Variants in MSRA observed in about 807,000 individuals in gnomAD.
MSRA encodes the protein mitochondrial peptide methionine sulfoxide reductase.
Under a neutral mutation model 31.3 loss-of-function variants are expected in MSRA, and 54 were observed. That is an observed-to-expected ratio of 1.73 (90% CI 1.39 to 2.17). The LOEUF (loss-of-function observed/expected upper bound fraction) is 2.17. Among genes scored for constraint, MSRA ranks in the 30% most tolerant of loss-of-function variants. The probability of loss-of-function intolerance (pLI) is 0.00; values close to 1 mark genes in which losing one functional copy is unlikely to be tolerated. For missense variants in MSRA, 507 were observed against 300.9 expected (o/e 1.69, Z -5.07); for synonymous variants, 169 against 116.5 (o/e 1.45, Z -2.90).
intron 1 of MSRA, among the ~76,000 whole-genome samples, chr8:10,074,097 T>G (rs1799363199): frequency 1.3e-5 from 1 of 78,864 alleles, no homozygotes; most frequent in African/African-American, 4.5e-5. Context: ...TTTTTTTTTT[T>G]TATTAAATGG....
At chr8:10,180,589 T>G (rs1284777925) in intron 1 of MSRA, among the ~76,000 whole-genome samples, 1 of 152,142 alleles carries the variant, frequency 6.6e-6, no homozygotes, top group African/African-American at 2.4e-5. Context: ...TCAGGTAAGG[T>G]TGAAAGGGGT....
intron 5 of MSRA, among the ~76,000 whole-genome samples, chr8:10,398,395 G>A (rs969722776): frequency 6.6e-6 from 1 of 152,236 alleles, no homozygotes; most frequent in Non-Finnish European, 1.5e-5. Flanking sequence ...CTTGCCGAGA[G>A]AGACCTTCTC....
At chr8:10,079,607 G>A (rs760711135) in intron 1 of MSRA, among the ~76,000 whole-genome samples, 29 of 152,106 alleles carry the variant, frequency 1.9e-4, no homozygotes, top group Non-Finnish European at 2.9e-5. Context: ...TGAAGCTTTG[G>A]ATCTCTTTCC....
intron 2 of MSRA, among the ~76,000 whole-genome samples, chr8:10,221,005 G>A (rs183559352): frequency 2.6e-4 from 39 of 152,282 alleles, no homozygotes; most frequent in Admixed American, 1.2e-3. Flanking sequence ...TGTGCCTGGC[G>A]GGTGTGTCTT....
intron 5 of MSRA, among the ~76,000 whole-genome samples, chr8:10,407,423 T>C (rs1438048654): frequency 6.6e-6 from 1 of 151,864 alleles, no homozygotes; most frequent in East Asian, 1.9e-4. Context: ...GCGATGAGGG[T>C]GGAGGTGGAT....
chr8:10,264,976 G>A (rs1031705946), intron 3 of MSRA, among the ~76,000 whole-genome samples: 4 of 152,156 alleles, frequency 2.6e-5, no homozygotes, highest in African/African-American at 4.8e-5. Context: ...GGGTACAGCT[G>A]GGGTCTTGGT....
chr8:10,162,757 G>T (rs1159435430), intron 1 of MSRA, among the ~76,000 whole-genome samples: 1 of 152,164 alleles, frequency 6.6e-6, no homozygotes, highest in Non-Finnish European at 1.5e-5. Context: ...TCCCTAAGAG[G>T]TAGGCACTGA....
intron 5 of MSRA, among the ~76,000 whole-genome samples, chr8:10,330,712 C>CTT (rs1802645888): frequency 6.6e-6 from 1 of 152,216 alleles, no homozygotes; most frequent in Non-Finnish European, 1.5e-5. Flanking sequence ...ATTAAGTAAG[C>CTT]TTATAGGAGG....
chr8:10,372,464 T>C (rs138300373), intron 5 of MSRA, among the ~76,000 whole-genome samples: 14 of 152,348 alleles, frequency 9.2e-5, no homozygotes, highest in African/African-American at 3.4e-4. Context: ...AGTAATGTTA[T>C]GAGTAAATAG....
intron 1 of MSRA, among the ~76,000 whole-genome samples, chr8:10,200,688 T>C (rs774371057): frequency 1.3e-5 from 2 of 152,162 alleles, no homozygotes; most frequent in African/African-American, 2.4e-5. Flanking sequence ...TCCTGACATA[T>C]AGAACATGCT....
chr8:10,234,304 A>T (rs1811753747), intron 2 of MSRA, among the ~76,000 whole-genome samples: 1 of 152,162 alleles, frequency 6.6e-6, no homozygotes, highest in Admixed American at 6.5e-5. Flanking sequence ...AAAAAAGGCA[A>T]ATCTTTACAC....
At chr8:10,207,563 G>A (rs189297681) in intron 1 of MSRA, among the ~76,000 whole-genome samples, 77 of 152,226 alleles carry the variant, frequency 5.1e-4, no homozygotes, top group Admixed American at 4.8e-3. Flanking sequence ...CTTCAGGCCC[G>A]GCTGGGTCTG....
intron 3 of MSRA, among the ~76,000 whole-genome samples, chr8:10,285,416 A>C (rs531613856): frequency 2.0e-5 from 3 of 152,218 alleles, no homozygotes; most frequent in African/African-American, 7.2e-5. Context: ...GTTTCCATAC[A>C]TGTATACAAT....
intron 1 of MSRA, among the ~76,000 whole-genome samples, chr8:10,198,646 G>A (rs1808206064): frequency 1.3e-5 from 2 of 152,126 alleles, no homozygotes; most frequent in African/African-American, 4.8e-5. Context: ...GGTAGTTGTG[G>A]CAGGGTCTCC....
chr8:10,278,397 C>G (rs940091052), intron 3 of MSRA, among the ~76,000 whole-genome samples: 2 of 152,244 alleles, frequency 1.3e-5, no homozygotes, highest in African/African-American at 4.8e-5. Context: ...CACAGGTTGA[C>G]TTCTTGTTCA....
intron 1 of MSRA, among the ~76,000 whole-genome samples, chr8:10,072,660 G>T (rs146548027): frequency 8.1e-4 from 123 of 152,248 alleles, no homozygotes; most frequent in African/African-American, 2.8e-3. Context: ...ACCTTGCTAG[G>T]ATTTTGATAG....
chr8:10,109,779 A>G (rs946815250), intron 1 of MSRA, among the ~76,000 whole-genome samples: 2 of 152,224 alleles, frequency 1.3e-5, no homozygotes, highest in Non-Finnish European at 2.9e-5. Context: ...GAAGTCATTC[A>G]TTTCATGATG....
intron 1 of MSRA, among the ~76,000 whole-genome samples, chr8:10,106,555 A>C (rs1184369343): frequency 6.6e-6 from 1 of 152,170 alleles, no homozygotes; most frequent in African/African-American, 2.4e-5. Flanking sequence ...TGTGAGAGAG[A>C]CTGGCAGACA....
At chr8:10,106,251 A>C (rs1445989977) in intron 1 of MSRA, among the ~76,000 whole-genome samples, 3 of 152,158 alleles carry the variant, frequency 2.0e-5, no homozygotes, top group Non-Finnish European at 4.4e-5. Context: ...TTGCTCAGTC[A>C]ATTCCAGTTG....
Sources: allele counts gnomAD v4.1 joint callset (sites outside exome capture counted in the v4.1 genomes callset), GRCh38; gene constraint gnomAD v4.1.1; transcripts MANE v1.5; gene names NCBI Gene and HGNC (gene_info 2026-07-23, HGNC 2026-07-21).